Variants in RPH3AL observed in about 807,000 individuals in gnomAD.
RPH3AL encodes the protein rab effector Noc2.
Under a neutral mutation model 43.1 loss-of-function variants are expected in RPH3AL, and 38 were observed. The ratio of observed to expected loss-of-function variants is 0.88; its 90% CI spans 0.68 to 1.15. The LOEUF (loss-of-function observed/expected upper bound fraction) is 1.15, where lower values mean the gene tolerates loss of function less well. Ranked by LOEUF, RPH3AL falls within the 50% of genes most tolerant of loss-of-function variation. The pLI is 0.00. For missense variants in RPH3AL, 462 were observed against 423.2 expected (o/e 1.09, Z -0.81); for synonymous variants, 189 against 176.3 (o/e 1.07, Z -0.57).
intron 2 of RPH3AL, 131 bp from the exon 3 acceptor site, chr17:327,710 A>C: frequency 4.9e-6 from 3 of 609,490 alleles, no homozygotes; most frequent in Non-Finnish European, 3.0e-6. Context: ...CTGGAATCTC[A>C]CTGTGGGAAC....
intron 5 of RPH3AL, among the ~76,000 whole-genome samples, chr17:282,241 G>A (rs1053832996): frequency 4.6e-5 from 7 of 152,222 alleles, no homozygotes; most frequent in Non-Finnish European, 1.5e-5. Context: ...GTGCTGCCTG[G>A]AAATAATGCG....
chr17:289,169 A>AG lies in RPH3AL; in HGVS notation c.352-7316dup, dbSNP rs1456677275. Among the ~76,000 whole-genome samples, 2 of 152,058 alleles carry AG rather than the reference A, an allele frequency of 1.3e-5. No homozygotes were observed. Among genetic ancestry groups the AG allele is most frequent in the African/African-American group, 2.4e-5 (1 of 41,374 alleles). ...TCCTCATCTGTAAGTTGGTGGTAACAGGCCCCCCCACACCCCAGGTTGCAG... is the reference window on the plus strand; with the variant it reads ...TCCTCATCTGTAAGTTGGTGGTAACAGGGCCCCCCCACACCCCAGGTTGCAG... On this transcript the variant is annotated intron_variant, in intron 5 of 9. Transcript: ENST00000331302. This position sits in a 1 kb window ranked among gnomAD's most constrained non-coding sequence, Gnocchi z 5.2.
At chr17:219,839 G>A in intron 7 of RPH3AL, 103 bp from the exon 8 acceptor site, 1 of 816,002 alleles carries the variant, frequency 1.2e-6, no homozygotes, top group South Asian at 1.4e-5. Context: ...TTACCACGTG[G>A]CGTAGCAGCT....
At chr17:223,901 C>T (rs978305557) in intron 7 of RPH3AL, among the ~76,000 whole-genome samples, 16 of 151,358 alleles carry the variant, frequency 1.1e-4, no homozygotes, top group Non-Finnish European at 1.3e-4. Context: ...TGGGCGTGCC[C>T]CCAACAGAGC....
intron 6 of RPH3AL, among the ~76,000 whole-genome samples, chr17:278,329 C>G (rs918336023): frequency 7.2e-5 from 11 of 152,146 alleles, no homozygotes; most frequent in African/African-American, 2.7e-4. Flanking sequence ...CATGTGGAAC[C>G]GTGAGTCCAT....
chr17:311,590 CCT>C (rs1470029248), intron 5 of RPH3AL, among the ~76,000 whole-genome samples: 4 of 152,224 alleles, frequency 2.6e-5, no homozygotes, highest in East Asian at 1.9e-4. Flanking sequence ...ATTCTGAAAA[CCT>C]CTCTTTTTGG....
intron 6 of RPH3AL, among the ~76,000 whole-genome samples, chr17:253,806 G>A (rs2041990922): frequency 1.0e-5 from 1 of 95,822 alleles, no homozygotes; most frequent in African/African-American, 3.7e-5. Context: ...CCATCCCTAG[G>A]AACGTGACTA....
chr17:283,296 C>T lies in RPH3AL; in HGVS notation c.352-1442G>A, dbSNP rs980219584. ...TGGCTTCCACGTCGAGCGTGTCGAGCGTGTGGAGGTCACTGGCCTGATCGG... is the reference window on the plus strand; with the variant it reads ...TGGCTTCCACGTCGAGCGTGTCGAGTGTGTGGAGGTCACTGGCCTGATCGG... On this transcript the variant is annotated intron_variant, in intron 5 of 9. Coordinates refer to ENST00000331302, the MANE Select transcript of RPH3AL (RefSeq NM_006987.4). The surrounding 1 kb of genome is among the most constrained non-coding windows in gnomAD (Gnocchi z 4.2). Among the ~76,000 whole-genome samples the T allele has an allele frequency of 2.6e-5, 4 of 152,114 alleles. No homozygotes were observed. Among genetic ancestry groups the T allele is most frequent in the Non-Finnish European group, 5.9e-5 (4 of 68,018 alleles).
chr17:244,891 G>C (rs529024398), intron 7 of RPH3AL, among the ~76,000 whole-genome samples: 3 of 152,130 alleles, frequency 2.0e-5, no homozygotes, highest in Admixed American at 6.5e-5. Context: ...GTGTGTGTGC[G>C]TGTGAATCAG....
chr17:266,483 C>A (rs2042326656), intron 6 of RPH3AL, among the ~76,000 whole-genome samples: 1 of 152,202 alleles, frequency 6.6e-6, no homozygotes, highest in Non-Finnish European at 1.5e-5. Context: ...AGGGCCCCGC[C>A]CTCATCAGAA....
chr17:263,890 T>A (rs1438170751), intron 6 of RPH3AL, among the ~76,000 whole-genome samples: 1 of 152,158 alleles, frequency 6.6e-6, no homozygotes, highest in African/African-American at 2.4e-5. Flanking sequence ...GAGTCGGAAT[T>A]GTGGCCGTGG....
intron 5 of RPH3AL, among the ~76,000 whole-genome samples, chr17:303,692 G>A (rs369754314): frequency 0.02 from 254 of 12,842 alleles, no homozygotes; most frequent in African/African-American, 0.047. Context: ...GGGAGGGAGG[G>A]AGGCTGTACT....
intron 5 of RPH3AL, among the ~76,000 whole-genome samples, chr17:285,773 C>A (rs1358156619): frequency 1.3e-5 from 2 of 152,214 alleles, no homozygotes; most frequent in Admixed American, 6.5e-5. Context: ...CCCACTCAAC[C>A]TGCCAACAGC....
intron 6 of RPH3AL, among the ~76,000 whole-genome samples, chr17:276,257 C>A (rs7211665): frequency 0.96 from 145,909 of 152,362 alleles, 70,178 homozygotes; most frequent in East Asian, 1. Flanking sequence ...AAAATTCATT[C>A]GTGAGATCTC....
chr17:253,495 T>A (rs1479874201), intron 6 of RPH3AL, among the ~76,000 whole-genome samples: 1 of 152,172 alleles, frequency 6.6e-6, no homozygotes, highest in South Asian at 2.1e-4. Context: ...GTATGCGCAA[T>A]CCTTTTTTAA....
intron 2 of RPH3AL, chr17:331,672 G>T (rs746298232): frequency 1.6e-6 from 2 of 1,288,058 alleles, no homozygotes; most frequent in South Asian, 2.5e-5. Context: ...TCGGCAGCAA[G>T]GAGGGCCTCA....
chr17:342,842 TCTC>T (rs1253646918), intron 1 of RPH3AL, among the ~76,000 whole-genome samples: 3 of 152,166 alleles, frequency 2.0e-5, no homozygotes, highest in African/African-American at 7.2e-5. Flanking sequence ...ATTAATTTAT[TCTC>T]CTCATAGAGA....
At chr17:227,000 A>C (rs1378631473) in intron 7 of RPH3AL, among the ~76,000 whole-genome samples, 2 of 152,174 alleles carry the variant, frequency 1.3e-5, no homozygotes, top group African/African-American at 4.8e-5. Context: ...ACCAGGGAGA[A>C]GGCTGTCCCA....
intron 5 of RPH3AL, among the ~76,000 whole-genome samples, chr17:285,426 C>T (rs2042884059): frequency 6.6e-6 from 1 of 152,180 alleles, no homozygotes; most frequent in Admixed American, 6.5e-5. Flanking sequence ...TCAACTGAGA[C>T]ACAGGAAAAG....
Sources: gnomAD v4.1 joint callset for allele counts (sites outside exome capture counted in the v4.1 genomes callset) on GRCh38, gnomAD v4.1.1 for gene constraint, Gnocchi (gnomAD v3.1) non-coding constraint, MANE v1.5 for transcripts, NCBI Gene and HGNC (gene_info 2026-07-23, HGNC 2026-07-21) for gene names.